Variants in ZNF670 observed in about 807,000 individuals in gnomAD.
The protein encoded by ZNF670 is zinc finger protein 670.
Under a neutral mutation model 10.9 loss-of-function variants are expected in ZNF670, and 7 were observed. The ratio of observed to expected loss-of-function variants is 0.64; its 90% confidence interval spans 0.36 to 1.20. The LOEUF (loss-of-function observed/expected upper bound fraction) is 1.20. Among genes scored for constraint, ZNF670 ranks in the 50% most tolerant of loss-of-function variants. ZNF670 has a pLI of 0.02. For synonymous variants in ZNF670, 136 were observed against 152.7 expected, an observed-to-expected ratio of 0.89 and a Z score of 0.81; for missense variants, 446 against 458.6, an observed-to-expected ratio of 0.97 and a Z score of 0.25.
chr1:247,070,026 C>G (rs1399978231), intron 1 of ZNF670, among the ~76,000 whole-genome samples: 1 of 152,064 alleles, frequency 6.6e-6, no homozygotes, highest in Non-Finnish European at 1.5e-5. Context: ...AGGGTAAATG[C>G]TTGAGGGGAT....
chr1:247,045,581 C>CAGA (rs1344761434), intron 1 of ZNF670, among the ~76,000 whole-genome samples: 1 of 152,072 alleles, frequency 6.6e-6, no homozygotes, highest in Non-Finnish European at 1.5e-5. Flanking sequence ...GTACAGCCTG[C>CAGA]AGAACCGTGA....
At chr1:247,040,861 G>A (rs1056784662) in intron 1 of ZNF670, among the ~76,000 whole-genome samples, 1 of 151,860 alleles carries the variant, frequency 6.6e-6, no homozygotes, top group Non-Finnish European at 1.5e-5. Context: ...ACGCCCAGCT[G>A]ATTTTGTATT....
intron 1 of ZNF670, among the ~76,000 whole-genome samples, chr1:247,067,714 C>T (rs1425330023): frequency 2.0e-5 from 3 of 147,798 alleles, no homozygotes; most frequent in South Asian, 2.1e-4. Context: ...TAGTGGCGGG[C>T]GCCTGTAGTC....
In ZNF670 at chr1:247,039,446, A is replaced by G; in HGVS notation, c.95T>C (p.Val32Ala). The stretch of plus-strand genomic sequence containing the variant: ...CAGGTTCCTGAAGATTTCTTGCATC[A>G]CATCTCTGTAGAGATTCTTTTGAGA... ...DPSQKNLYRD[V>A]MQEIFRNLAS... The change falls in exon 2 of 4, where the codon GTG becomes GCG. Residue 32 changes from valine to alanine, a missense_variant. Physicochemically the swap from Val to Ala is moderately conservative, Grantham distance 64 (BLOSUM62 0). Coordinates refer to ENST00000366503, the MANE Select transcript of ZNF670 (RefSeq NM_033213.5). 1.2e-6 allele frequency: 2 copies of G among 1,606,636 alleles called. No homozygotes were observed. The highest frequency in any genetic ancestry group is 4.5e-5 in the East Asian group (2 of 44,212).
chr1:247,055,513 C>T (rs920214780), intron 1 of ZNF670, among the ~76,000 whole-genome samples: 4 of 152,176 alleles, frequency 2.6e-5, no homozygotes, highest in Admixed American at 6.5e-5. Flanking sequence ...TTTCTTCTTC[C>T]ACTTATTAAA....
chr1:247,061,942 A>G (rs1011071723), intron 1 of ZNF670, among the ~76,000 whole-genome samples: 1 of 152,202 alleles, frequency 6.6e-6, no homozygotes, highest in Non-Finnish European at 1.5e-5. Context: ...TACCTTCAGG[A>G]AAAGAGGCAT....
intron 1 of ZNF670, among the ~76,000 whole-genome samples, chr1:247,062,571 G>A (rs1188152927): frequency 2.6e-5 from 4 of 152,134 alleles, no homozygotes; most frequent in African/African-American, 4.8e-5. Context: ...ATGCTGAAAC[G>A]TCGTCAGGCC....
At chr1:247,068,182 G>A (rs1671034002) in intron 1 of ZNF670, among the ~76,000 whole-genome samples, 2 of 150,144 alleles carry the variant, frequency 1.3e-5, no homozygotes, top group Admixed American at 1.3e-4. Flanking sequence ...GCCAGGTGTG[G>A]TGGTGTACAT....
intron 1 of ZNF670, among the ~76,000 whole-genome samples, chr1:247,058,547 A>G (rs1670773753): frequency 6.6e-6 from 1 of 152,132 alleles, no homozygotes; most frequent in South Asian, 2.1e-4. Flanking sequence ...TGCAAACAAG[A>G]AGTCAATACA....
intron 1 of ZNF670, among the ~76,000 whole-genome samples, chr1:247,049,721 C>T (rs142508167): frequency 7.3e-4 from 111 of 152,288 alleles, no homozygotes; most frequent in African/African-American, 2.6e-3. Flanking sequence ...GGTTGTGTCA[C>T]TACTATCATT....
At position 247,075,613 on chromosome 1, in the gene ZNF670, A is replaced by G. The variant is rs143243330; in HGVS notation, c.3+2981T>C. Among the ~76,000 whole-genome samples, 527 of 152,142 alleles carry G rather than the reference A, an allele frequency of 3.5e-3. 2 individuals carry two copies. Among genetic ancestry groups the G allele is most frequent in the African/African-American group, 0.011 (468 of 41,426 alleles). ...ACGTTTCATGAGATCTGATGGTTTT[A>G]AAAACTGGAGTTTCCCTGCACAAGC... On this transcript the variant is annotated intron_variant, in intron 1 of 3. Transcript: ENST00000366503.
chr1:247,076,642 C>G (rs1271570780), intron 1 of ZNF670, among the ~76,000 whole-genome samples: 3 of 148,934 alleles, frequency 2.0e-5, no homozygotes, highest in Non-Finnish European at 1.5e-5. Flanking sequence ...CATTGCAATA[C>G]TTTAGAATAA....
intron 1 of ZNF670, among the ~76,000 whole-genome samples, chr1:247,067,534 C>A (rs534782838): frequency 6.6e-5 from 10 of 151,682 alleles, no homozygotes; most frequent in African/African-American, 2.4e-4. Flanking sequence ...CAAAAAGTAT[C>A]ACATCAAGTT....
At chr1:247,075,513 T>C (rs59525684) in intron 1 of ZNF670, among the ~76,000 whole-genome samples, 58,492 of 151,942 alleles carry the variant, frequency 0.38, 13,020 homozygotes, top group African/African-American at 0.6. Context: ...AATTCCCACA[T>C]GTGGCAGGAA....
At chr1:247,038,737 T>C (rs1225416185) in intron 3 of ZNF670, 73 bp downstream of exon 3, 2 of 1,349,946 alleles carry the variant, frequency 1.5e-6, no homozygotes, top group African/African-American at 1.5e-5. Context: ...TTAGTTGTTT[T>C]GTCTGTTTTA....
Position 247,053,414 on chromosome 1 carries a change from C to T in ZNF670, c.4-13877G>A, listed in dbSNP as rs901901274. Among the ~76,000 whole-genome samples, 163 of 152,088 alleles carry T rather than the reference C, an allele frequency of 1.1e-3. 1 individual carries two copies. The highest frequency in any genetic ancestry group is 1.1e-3 in the Non-Finnish European group (76 of 68,014). ...TTGGGAGGCCGAGGTAGGTGGATCA[C>T]GAGGTCAGGAGATAAGAGACCATCC... On this transcript the variant is annotated intron_variant, in intron 1 of 3. Coordinates refer to ENST00000366503, the MANE Select transcript of ZNF670 (RefSeq NM_033213.5).
At chr1:247,052,663 T>C (rs903758575) in intron 1 of ZNF670, among the ~76,000 whole-genome samples, 1 of 152,196 alleles carries the variant, frequency 6.6e-6, no homozygotes, top group African/African-American at 2.4e-5. Flanking sequence ...AGCAGTTGTT[T>C]ACTGCTTTCT....
At position 247,078,721 on chromosome 1, in the gene ZNF670, C is replaced by G; in HGVS notation, c.-125G>C. 1 of 1,053,860 alleles carries G rather than the reference C, an allele frequency of 9.5e-7. No homozygotes were observed. The highest frequency in any genetic ancestry group is 1.4e-6 in the Non-Finnish European group (1 of 716,408). The allele number at this position is 1,053,860 out of a possible 1,614,324, so 65.3% of individuals were successfully genotyped here. On this transcript the variant is annotated 5_prime_UTR_variant, in exon 1 of 4. Transcript: ENST00000366503. ...GGATAAGGGGAAGGAGCAGCGGAGA[C>G]GCACCGAGCTCGCCACATTCGCGCT...
In ZNF670 at chr1:247,037,934, T is replaced by G. The variant is rs1287804677; in HGVS notation, c.685A>C (p.Lys229Gln). Residue 229 changes from lysine to glutamine, a missense_variant, in exon 4 of 4, where the codon AAA becomes CAA. Transcript: ENST00000366503. ...HTGEKPYACK[K>Q]CGKSFTFSSS... ...GAAAAAGTGAATGATTTACCACATT[T>G]CTTACATGCATAGGGTTTCTCTCCA... The G allele has an allele frequency of 6.2e-7, 1 of 1,613,766 alleles. No individual in the cohort carries two copies.
Sources: gnomAD v4.1 joint callset for allele counts (sites outside exome capture counted in the v4.1 genomes callset) on GRCh38, gnomAD v4.1.1 for gene constraint, MANE v1.5 for transcripts, NCBI Gene and HGNC (gene_info 2026-07-23, HGNC 2026-07-21) for gene names.